Variants in DLGAP2 observed in about 807,000 individuals in gnomAD.
DLGAP2 encodes disks large-associated protein 2.
In DLGAP2, 26 loss-of-function variants were observed where a neutral mutation model predicts 100.3. That is an observed-to-expected ratio of 0.26 (90% CI 0.19 to 0.36). DLGAP2 has a LOEUF of 0.36. Ranked by LOEUF, DLGAP2 falls within the 10% of genes least tolerant of loss-of-function variation. The pLI is 1.00. For missense variants in DLGAP2, 1,858 were observed against 1,453.2 expected, an observed-to-expected ratio of 1.28 and a Z score of -4.53; for synonymous variants, 886 against 630.1, an observed-to-expected ratio of 1.41 and a Z score of -6.08.
At chr8:1,217,124 A>G (rs1798230432) in intron 2 of DLGAP2, among the ~76,000 whole-genome samples, 1 of 152,102 alleles carries the variant, frequency 6.6e-6, no homozygotes, top group Non-Finnish European at 1.5e-5. Flanking sequence ...CTTCACCCTC[A>G]AATAGACCCC....
At chr8:1,052,783 AAG>A (rs1165395699) in intron 2 of DLGAP2, among the ~76,000 whole-genome samples, 1 of 152,140 alleles carries the variant, frequency 6.6e-6, no homozygotes, top group Non-Finnish European at 1.5e-5. Flanking sequence ...TTTAACATAT[AAG>A]AGAGGCTGGG....
At chr8:1,528,818 G>C (rs1800883593) in intron 4 of DLGAP2, among the ~76,000 whole-genome samples, 1 of 152,196 alleles carries the variant, frequency 6.6e-6, no homozygotes. Context: ...GGAAGGACTG[G>C]GAGCTCCCCT....
intron 1 of DLGAP2, among the ~76,000 whole-genome samples, chr8:810,233 T>G (rs1489617855): frequency 6.6e-6 from 1 of 152,278 alleles, no homozygotes; most frequent in Non-Finnish European, 1.5e-5. Context: ...CCTCCGTCTT[T>G]TAATTCCTCC....
chr8:1,674,920 C>T (rs574645793), intron 10 of DLGAP2, among the ~76,000 whole-genome samples: 2 of 152,186 alleles, frequency 1.3e-5, no homozygotes, highest in Non-Finnish European at 2.9e-5. Context: ...CAATCCTTTG[C>T]GTAAAATAAC....
At chr8:1,292,387 A>T (rs1334029154) in intron 3 of DLGAP2, among the ~76,000 whole-genome samples, 1 of 152,190 alleles carries the variant, frequency 6.6e-6, no homozygotes, top group Non-Finnish European at 1.5e-5. Context: ...TCATCCTGCC[A>T]GTCAGGGAGA....
intron 1 of DLGAP2, among the ~76,000 whole-genome samples, chr8:865,859 T>C (rs1563070507): frequency 1.3e-5 from 2 of 152,290 alleles, no homozygotes; most frequent in East Asian, 3.9e-4. Flanking sequence ...AGGTGTGGTC[T>C]GCGGCTCACA....
chr8:936,696 G>T (rs1799080515), intron 2 of DLGAP2, among the ~76,000 whole-genome samples: 2 of 152,172 alleles, frequency 1.3e-5, no homozygotes, highest in Non-Finnish European at 1.5e-5. Context: ...CTCTCTTTTT[G>T]TTTTGGTTTT....
At chr8:1,041,334 C>A (rs974159090) in intron 2 of DLGAP2, among the ~76,000 whole-genome samples, 1 of 152,122 alleles carries the variant, frequency 6.6e-6, no homozygotes, top group Non-Finnish European at 1.5e-5. Flanking sequence ...CAGCCTTTTT[C>A]TTTGGAGTTG....
chr8:1,667,078 G>A (rs1329447786), intron 8 of DLGAP2, among the ~76,000 whole-genome samples: 1 of 152,220 alleles, frequency 6.6e-6, no homozygotes, highest in East Asian at 1.9e-4. Context: ...TGTGGCAGGG[G>A]TGGGGTGGTG....
At chr8:1,206,884 G>T (rs1199145612) in intron 2 of DLGAP2, among the ~76,000 whole-genome samples, 2 of 152,054 alleles carry the variant, frequency 1.3e-5, no homozygotes, top group Admixed American at 1.3e-4. Flanking sequence ...ATCCATCCCT[G>T]TCCCCGGTCT....
chr8:1,243,995 C>T (rs1297577096), intron 2 of DLGAP2, among the ~76,000 whole-genome samples: 1 of 152,126 alleles, frequency 6.6e-6, no homozygotes, highest in East Asian at 1.9e-4. Context: ...TGGTGAGTGC[C>T]AGCTCCCAGC....
intron 2 of DLGAP2, among the ~76,000 whole-genome samples, chr8:1,234,861 T>C (rs62486950): frequency 6.6e-6 from 1 of 152,104 alleles, no homozygotes; most frequent in Non-Finnish European, 1.5e-5. Flanking sequence ...TGTTCAACAC[T>C]TAACTGTCAC....
intron 3 of DLGAP2, among the ~76,000 whole-genome samples, chr8:1,413,295 G>T (rs1796786585): frequency 1.3e-5 from 2 of 152,200 alleles, no homozygotes; most frequent in African/African-American, 4.8e-5. Context: ...AGGATGGGAA[G>T]CAGAATGAAT....
chr8:1,352,227 C>A (rs1169773084), intron 3 of DLGAP2, among the ~76,000 whole-genome samples: 2 of 122,782 alleles, frequency 1.6e-5, no homozygotes, highest in African/African-American at 6.1e-5. Context: ...CCGTGCGGGT[C>A]CTGACTGTGT....
At chr8:804,667 G>A (rs1413296163) in intron 1 of DLGAP2, among the ~76,000 whole-genome samples, 1 of 152,214 alleles carries the variant, frequency 6.6e-6, no homozygotes, top group Non-Finnish European at 1.5e-5. Context: ...TTTCCCCCAA[G>A]ATATTTGAAA....
chr8:1,328,095 A>G (rs1801063623), intron 3 of DLGAP2, among the ~76,000 whole-genome samples: 1 of 151,780 alleles, frequency 6.6e-6, no homozygotes, highest in African/African-American at 2.4e-5. Flanking sequence ...GCTGGAGTGC[A>G]GTGGTGTGAT....
At chr8:976,352 G>A (rs748718711) in intron 2 of DLGAP2, among the ~76,000 whole-genome samples, 2 of 152,024 alleles carry the variant, frequency 1.3e-5, no homozygotes, top group Non-Finnish European at 2.9e-5. Context: ...TGGTTCAAGC[G>A]TGTAATCCTA....
intron 3 of DLGAP2, among the ~76,000 whole-genome samples, chr8:1,364,098 AAC>A (rs1270062414): frequency 6.6e-6 from 1 of 152,106 alleles, no homozygotes; most frequent in African/African-American, 2.4e-5. Flanking sequence ...CCTTTGGGAT[AAC>A]ACAGCTCTCG....
chr8:1,054,866 C>A (rs1802830264), intron 2 of DLGAP2, among the ~76,000 whole-genome samples: 1 of 152,196 alleles, frequency 6.6e-6, no homozygotes, highest in Non-Finnish European at 1.5e-5. Context: ...TTATTATCAA[C>A]TGTTTTCATT....
Sources: gnomAD v4.1 joint callset for allele counts (sites outside exome capture counted in the v4.1 genomes callset) on GRCh38, gnomAD v4.1.1 for gene constraint, MANE v1.5 for transcripts, NCBI Gene and HGNC (gene_info 2026-07-23, HGNC 2026-07-21) for gene names.